TMEM225B: variants seen among roughly 807,000 people sequenced by gnomAD.
The protein encoded by TMEM225B is transmembrane protein 225B.
TMEM225B carries 10 observed loss-of-function variants against 16.9 expected under a neutral mutation model. The observed-to-expected ratio is 0.59, with a 90% CI of 0.36 to 1.00. The LOEUF is 1.00. TMEM225B is among the 50% of genes least tolerant of loss of function. TMEM225B has a pLI of 0.01. For missense variants in TMEM225B, 217 were observed against 267.0 expected (o/e 0.81, Z 1.30); for synonymous variants, 92 against 109.8 (o/e 0.84, Z 1.01).
At chr7:99,600,519 A>ATGGC (rs1431937721) in intron 2 of TMEM225B, among the ~76,000 whole-genome samples, 1 of 152,194 alleles carries the variant, frequency 6.6e-6, no homozygotes, top group African/African-American at 2.4e-5. Context: ...CTCGCACCAC[A>ATGGC]TGGCTGCAGA....
chr7:99,598,575 T>C (rs1318820999), intron 1 of TMEM225B, among the ~76,000 whole-genome samples, 194 bp downstream of exon 1: 1 of 152,050 alleles, frequency 6.6e-6, no homozygotes, highest in Non-Finnish European at 1.5e-5. Context: ...AATATCCCTA[T>C]GGCTTTGGGG....
intron 5 of TMEM225B, among the ~76,000 whole-genome samples, chr7:99,609,108 G>A (rs757812279): frequency 7.9e-5 from 12 of 151,660 alleles, no homozygotes; most frequent in Non-Finnish European, 5.9e-5. Flanking sequence ...TGGAGGTTGC[G>A]GTGAGCTGAG....
At chr7:99,604,338 G>GA (rs1478453123) in intron 2 of TMEM225B, 48 bp from the exon 3 acceptor site, 15 of 1,310,036 alleles carry the variant, frequency 1.1e-5, no homozygotes, top group East Asian at 5.0e-5. Flanking sequence ...TGCTGCAGGA[G>GA]AATTTGGGTC....
At chr7:99,604,656 G>A in intron 3 of TMEM225B, 60 bp downstream of exon 3, 1 of 1,347,714 alleles carries the variant, frequency 7.4e-7, no homozygotes, top group East Asian at 2.5e-5. Flanking sequence ...TTGGGACAGA[G>A]GTGGGGGGTG....
chr7:99,603,565 G>A (rs1805533672), intron 2 of TMEM225B, among the ~76,000 whole-genome samples: 4 of 151,876 alleles, frequency 2.6e-5, no homozygotes, highest in Admixed American at 2.6e-4. Context: ...GGTGGCGGGC[G>A]CCTGTAATCT....
At chr7:99,603,951 C>T (rs965954256) in intron 2 of TMEM225B, among the ~76,000 whole-genome samples, 7 of 151,836 alleles carry the variant, frequency 4.6e-5, no homozygotes, top group South Asian at 2.1e-4. Flanking sequence ...GACGGGGTTT[C>T]GCCATGTTGC....
chr7:99,604,732 A>C, intron 3 of TMEM225B, 136 bp downstream of exon 3: 1 of 729,984 alleles, frequency 1.4e-6, no homozygotes, highest in East Asian at 2.7e-5. Flanking sequence ...GGTGGCTTGC[A>C]CTTGTAATCC....
chr7:99,606,926 G>T, intron 4 of TMEM225B, 32 bp downstream of exon 4: 1 of 1,535,384 alleles, frequency 6.5e-7, no homozygotes, highest in South Asian at 1.2e-5. Context: ...CCTGACCTTC[G>T]CTAGGGCCTG....
chr7:99,608,717 AT>A (rs113860416), intron 5 of TMEM225B, among the ~76,000 whole-genome samples: 11,206 of 116,292 alleles, frequency 0.096, 1,493 homozygotes, highest in African/African-American at 0.32. Flanking sequence ...TTAAAAAAAA[AT>A]ATATATATAT....
intron 3 of TMEM225B, 57 bp downstream of exon 3, chr7:99,604,653 A>G (rs1805643934): frequency 7.3e-7 from 1 of 1,365,354 alleles, no homozygotes; most frequent in Non-Finnish European, 1.0e-6. Flanking sequence ...GTGTTGGGAC[A>G]GAGGTGGGGG....
intron 2 of TMEM225B, among the ~76,000 whole-genome samples, 188 bp from the exon 3 acceptor site, chr7:99,604,198 A>T (rs1397974694): frequency 6.7e-6 from 1 of 149,306 alleles, no homozygotes; most frequent in Non-Finnish European, 1.5e-5. Context: ...CATTTTATGC[A>T]TTTTTTTTTT....
In TMEM225B at chr7:99,602,111, T is replaced by G. The variant is rs151281625; in HGVS notation, c.-4+1826T>G. 3.9e-4 allele frequency among the ~76,000 whole-genome samples: 59 copies of G among 152,318 alleles called. No individual in the cohort carries two copies. In the East Asian group the frequency reaches 0.011, roughly 29 times the overall value. ...ACTGTCATCTTGGGGTGCACCTCCC[T>G]TGTCACATCTTCCTTTCACCTGATG... On this transcript the variant is annotated intron_variant, in intron 2 of 5. Transcript: ENST00000431679.
At chr7:99,610,333 C>A in intron 5 of TMEM225B, 60 bp from the exon 6 acceptor site, 1 of 1,390,716 alleles carries the variant, frequency 7.2e-7, no homozygotes, top group Non-Finnish European at 9.8e-7. Context: ...GGGACCTGAC[C>A]TCTAGGGCGT....
chr7:99,605,680 C>T (rs2151208813), intron 3 of TMEM225B: 2 of 152,440 alleles, frequency 1.3e-5, no homozygotes, highest in Admixed American at 1.3e-4. Flanking sequence ...GCCTCCATCT[C>T]CTCAGCTCAA....
In TMEM225B at chr7:99,600,807, G is replaced by T. The variant is rs1451695278; in HGVS notation, c.-4+522G>T. 2.6e-5 allele frequency among the ~76,000 whole-genome samples: 4 copies of T among 152,140 alleles called. No individual in the cohort carries two copies. The East Asian group carries it at 7.7e-4, about 29-fold the overall frequency. Reference sequence around the variant, plus strand: ...ATCACCAGGTACAGAGGCCAGAGGAGCCTGGGGATGACGGTGATGTTCCAG... The same window carrying T: ...ATCACCAGGTACAGAGGCCAGAGGATCCTGGGGATGACGGTGATGTTCCAG... On this transcript the variant is annotated intron_variant, in intron 2 of 5. Coordinates refer to ENST00000431679, the MANE Select transcript of TMEM225B (RefSeq NM_001195541.3).
Position 99,610,656 on chromosome 7 carries a change from T to C in TMEM225B, c.*91T>C, listed in dbSNP as rs1288097911. 6.7e-6 allele frequency: 8 copies of C among 1,194,140 alleles called. No individual in the cohort carries two copies. The highest frequency in any genetic ancestry group is 9.3e-6 in the Non-Finnish European group (8 of 859,764). 74.0% of individuals were successfully genotyped at this position (1,194,140 alleles called of 1,614,324 possible). A position where few individuals can be genotyped will look rare whatever the true frequency, so the allele number is the denominator to read the frequency against. ...CCTCCCCACCCTCTCTGCCAGTATC[T>C]GTGCCTTTGAGGAGCTTCTTGCGTG... On this transcript the variant is annotated 3_prime_UTR_variant, in exon 6 of 6. Coordinates refer to ENST00000431679, the MANE Select transcript of TMEM225B (RefSeq NM_001195541.3).
rs541334772 is a variant in TMEM225B at position 99,607,937 on chromosome 7, G to A, written c.493+127G>A. The A allele has an allele frequency of 2.5e-5, 26 of 1,022,048 alleles. No homozygotes were observed. The African/African-American group carries it at 3.0e-4, about 12-fold the overall frequency. 63.3% of individuals were successfully genotyped at this position (1,022,048 alleles called of 1,614,324 possible). ...TCCAAACCGCAGCTGCCAGTTAGACGTGGCTATTTAACTTTCGTTAATTAA... is the reference window on the plus strand; with the variant it reads ...TCCAAACCGCAGCTGCCAGTTAGACATGGCTATTTAACTTTCGTTAATTAA... On this transcript the variant is annotated intron_variant, in intron 5 of 5. Coordinates refer to ENST00000431679, the MANE Select transcript of TMEM225B (RefSeq NM_001195541.3).
chr7:99,599,375 G>A (rs866543558), intron 1 of TMEM225B, among the ~76,000 whole-genome samples: 3 of 151,944 alleles, frequency 2.0e-5, no homozygotes, highest in Admixed American at 6.6e-5. Flanking sequence ...CTTGAGCCCA[G>A]GGGTTGCCTG....
intron 1 of TMEM225B, among the ~76,000 whole-genome samples, chr7:99,598,585 G>A (rs1383711186): frequency 6.6e-6 from 1 of 152,182 alleles, no homozygotes; most frequent in African/African-American, 2.4e-5. Context: ...TGGCTTTGGG[G>A]CCACAGAAGG....
Sources: allele counts gnomAD v4.1 joint callset (sites outside exome capture counted in the v4.1 genomes callset), GRCh38; gene constraint gnomAD v4.1.1; transcripts MANE v1.5; gene names NCBI Gene and HGNC (gene_info 2026-07-23, HGNC 2026-07-21).